Variants in ZMAT4 observed in about 807,000 individuals in gnomAD.
ZMAT4 encodes zinc finger matrin-type 4.
A neutral mutation model predicts 28.7 loss-of-function variants in ZMAT4; 17 were observed. That is an observed-to-expected ratio of 0.59 (90% CI 0.41 to 0.89). The LOEUF (loss-of-function observed/expected upper bound fraction) is 0.89. Among genes scored for constraint, ZMAT4 ranks in the 40% least tolerant of loss-of-function variants. The pLI is 0.00. For missense variants in ZMAT4, 240 were observed against 283.8 expected, an observed-to-expected ratio of 0.85 and a Z score of 1.11; for synonymous variants, 117 against 109.2, an observed-to-expected ratio of 1.07 and a Z score of -0.44.
At chr8:40,749,603 C>A (rs184637168) in intron 3 of ZMAT4, among the ~76,000 whole-genome samples, 1 of 152,158 alleles carries the variant, frequency 6.6e-6, no homozygotes, top group Non-Finnish European at 1.5e-5. Flanking sequence ...GAACACTGTT[C>A]CACCCACTGC....
intron 3 of ZMAT4, among the ~76,000 whole-genome samples, chr8:40,715,174 C>G (rs1398478085): frequency 6.6e-6 from 1 of 151,464 alleles, no homozygotes; most frequent in African/African-American, 2.4e-5. Context: ...GTAGAAGGAA[C>G]AGTGAGTAGA....
intron 5 of ZMAT4, among the ~76,000 whole-genome samples, chr8:40,603,628 G>GTTTGT (rs1057087580): frequency 6.6e-6 from 1 of 152,036 alleles, no homozygotes; most frequent in African/African-American, 2.4e-5. Context: ...TTGTTTATTT[G>GTTTGT]TTTGTTTTGT....
chr8:40,680,940 C>A (rs1257958691), intron 4 of ZMAT4, among the ~76,000 whole-genome samples: 1 of 152,178 alleles, frequency 6.6e-6, no homozygotes, highest in Non-Finnish European at 1.5e-5. Context: ...AGAATTTATT[C>A]ATTTTAAAGT....
intron 5 of ZMAT4, among the ~76,000 whole-genome samples, chr8:40,642,118 G>T (rs1807058891): frequency 6.6e-6 from 1 of 152,016 alleles, no homozygotes; most frequent in Non-Finnish European, 1.5e-5. Context: ...TTGAATTTTG[G>T]ATAAATAACA....
intron 5 of ZMAT4, among the ~76,000 whole-genome samples, chr8:40,668,786 G>GAAA (rs1291228692): frequency 1.0e-3 from 156 of 152,012 alleles, no homozygotes; most frequent in South Asian, 2.1e-3. Flanking sequence ...AGAAGCCCTG[G>GAAA]ACAACAACAA....
chr8:40,754,613 A>G (rs1163249150), intron 3 of ZMAT4, among the ~76,000 whole-genome samples: 4 of 151,958 alleles, frequency 2.6e-5, no homozygotes, highest in Non-Finnish European at 2.9e-5. Flanking sequence ...ACCTGGGGGT[A>G]TAGTTTGGTG....
intron 1 of ZMAT4, among the ~76,000 whole-genome samples, chr8:40,836,911 G>A (rs771351797): frequency 7.2e-5 from 11 of 152,182 alleles, no homozygotes; most frequent in Non-Finnish European, 1.5e-4. Context: ...GATGATGATC[G>A]GTAGATAAAT....
intron 5 of ZMAT4, among the ~76,000 whole-genome samples, chr8:40,603,304 C>T (rs375751927): frequency 3.3e-5 from 5 of 152,134 alleles, no homozygotes; most frequent in African/African-American, 1.2e-4. Context: ...TACACCAGTA[C>T]CATTCTGTTT....
intron 5 of ZMAT4, among the ~76,000 whole-genome samples, chr8:40,581,641 T>A (rs746316794): frequency 2.0e-4 from 31 of 152,164 alleles, no homozygotes; most frequent in Admixed American, 3.9e-4. Flanking sequence ...CTATCCTAAT[T>A]CCTTTCCACT....
chr8:40,576,730 G>A (rs965329101), intron 6 of ZMAT4, among the ~76,000 whole-genome samples: 1 of 152,124 alleles, frequency 6.6e-6, no homozygotes, highest in Non-Finnish European at 1.5e-5. Context: ...GTATCTCACT[G>A]GTGGGACAGA....
chr8:40,867,527 C>T (rs1817719025), intron 1 of ZMAT4, among the ~76,000 whole-genome samples: 1 of 152,184 alleles, frequency 6.6e-6, no homozygotes, highest in Admixed American at 6.5e-5. Flanking sequence ...CACCCTCTGC[C>T]TCTTCGTCCA....
At chr8:40,684,582 C>G (rs1219869845) in intron 4 of ZMAT4, among the ~76,000 whole-genome samples, 3 of 152,202 alleles carry the variant, frequency 2.0e-5, no homozygotes, top group African/African-American at 4.8e-5. Context: ...ATCCATACCC[C>G]GTGCTCAGGG....
At chr8:40,793,207 ACTTTC>A (rs1814437810) in intron 2 of ZMAT4, among the ~76,000 whole-genome samples, 2 of 152,354 alleles carry the variant, frequency 1.3e-5, no homozygotes, top group Non-Finnish European at 2.9e-5. Flanking sequence ...GTACATGGGT[ACTTTC>A]GCTCAATTTT....
At chr8:40,566,166 T>A (rs1378040356) in intron 6 of ZMAT4, among the ~76,000 whole-genome samples, 2 of 152,138 alleles carry the variant, frequency 1.3e-5, no homozygotes, top group Non-Finnish European at 2.9e-5. Flanking sequence ...CGTGACACAC[T>A]ATCTCACTGA....
At chr8:40,881,047 A>G (rs1416900486) in intron 1 of ZMAT4, among the ~76,000 whole-genome samples, 1 of 152,072 alleles carries the variant, frequency 6.6e-6, no homozygotes, top group Non-Finnish European at 1.5e-5. Context: ...GACTACTTAG[A>G]ATGTTCTGGA....
At chr8:40,713,304 C>T (rs905483081) in intron 3 of ZMAT4, among the ~76,000 whole-genome samples, 1 of 152,044 alleles carries the variant, frequency 6.6e-6, no homozygotes, top group African/African-American at 2.4e-5. Context: ...AATACTCATA[C>T]AGTCTTAGGA....
chr8:40,871,796 G>A (rs992431066), intron 1 of ZMAT4, among the ~76,000 whole-genome samples: 4 of 152,138 alleles, frequency 2.6e-5, no homozygotes, highest in Admixed American at 6.5e-5. Context: ...CTTCCACCAC[G>A]TGGCTCATTC....
At chr8:40,664,100 CA>C (rs1309599673) in intron 5 of ZMAT4, among the ~76,000 whole-genome samples, 5 of 152,252 alleles carry the variant, frequency 3.3e-5, no homozygotes, top group Middle Eastern at 3.4e-3. Flanking sequence ...CTTCTATCAG[CA>C]ACACCTTGTT....
At chr8:40,653,298 C>T (rs1443541518) in intron 5 of ZMAT4, among the ~76,000 whole-genome samples, 1 of 151,742 alleles carries the variant, frequency 6.6e-6, no homozygotes, top group Non-Finnish European at 1.5e-5. Flanking sequence ...CATTTAAAAA[C>T]ATAAGAAAGA....
Sources: allele counts gnomAD v4.1 joint callset (sites outside exome capture counted in the v4.1 genomes callset), GRCh38; gene constraint gnomAD v4.1.1; transcripts MANE v1.5; gene names NCBI Gene and HGNC (gene_info 2026-07-23, HGNC 2026-07-21).